Variants in ZFC3H1 observed in about 807,000 individuals in gnomAD.
ZFC3H1 encodes the protein zinc finger C3H1-type containing.
A neutral mutation model predicts 243.7 loss-of-function variants in ZFC3H1; 71 were observed. The ratio of observed to expected loss-of-function variants is 0.29; its 90% CI spans 0.24 to 0.36. The LOEUF is 0.36. Among genes scored for constraint, ZFC3H1 ranks in the 10% least tolerant of loss-of-function variants. The pLI is 1.00. For missense variants in ZFC3H1, 1,966 were observed against 2,317.1 expected (o/e 0.85, Z 3.11); for synonymous variants, 838 against 813.0 (o/e 1.03, Z -0.52).
At chr12:71,655,236 C>T (rs1398828541) in intron 2 of ZFC3H1, among the ~76,000 whole-genome samples, 1 of 152,004 alleles carries the variant, frequency 6.6e-6, no homozygotes, top group African/African-American at 2.4e-5. Context: ...GTATGATTGA[C>T]TTAGATATCA....
At position 71,630,825 on chromosome 12, in the gene ZFC3H1, T is replaced by C. The variant is rs34455696; in HGVS notation, c.3600A>G (p.Gln1200=). ...LTGTCNDDDC[Q]WQHIQDYTLS... is the part of the protein sequence containing the mutation. ...AAATGTTCACAAAAACTACTCACCA[T>C]TGACAATCATCATCATTACATGTTC... Residue 1200 remains glutamine (Q), a splice_region_variant and synonymous_variant, in exon 17 of 35, where the codon CAA becomes CAG. Transcript: ENST00000378743. 3.1e-4 allele frequency: 501 copies of C among 1,612,312 alleles called. 2 individuals are homozygous for C. The African/African-American group carries it at 4.9e-3, about 16-fold the overall frequency.
At chr12:71,657,418 G>T in intron 1 of ZFC3H1, 117 bp from the exon 2 acceptor site, 3 of 821,984 alleles carry the variant, frequency 3.6e-6, no homozygotes, top group South Asian at 2.1e-5. Context: ...AAAATGAATC[G>T]ATATTTTTAA....
chr12:71,630,372 G>C (rs1231065581), intron 18 of ZFC3H1, among the ~76,000 whole-genome samples: 2 of 152,122 alleles, frequency 1.3e-5, no homozygotes, highest in Non-Finnish European at 2.9e-5. Flanking sequence ...CTGTCCTACT[G>C]GCATGCACTT....
At chr12:71,658,261 G>T (rs911760983) in intron 1 of ZFC3H1, among the ~76,000 whole-genome samples, 12 of 146,600 alleles carry the variant, frequency 8.2e-5, no homozygotes, top group Admixed American at 8.1e-4. Flanking sequence ...ACCTCCTGTG[G>T]TTTTAATACA....
intron 31 of ZFC3H1, 45 bp downstream of exon 31, chr12:71,613,290 T>C: frequency 7.2e-7 from 1 of 1,394,282 alleles, no homozygotes; most frequent in Non-Finnish European, 1.0e-6. Flanking sequence ...ATAAAGAGCC[T>C]ATTCCATTAG....
chr12:71,642,833 T>C (rs1300961919), intron 5 of ZFC3H1, among the ~76,000 whole-genome samples: 1 of 152,186 alleles, frequency 6.6e-6, no homozygotes, highest in Non-Finnish European at 1.5e-5. Flanking sequence ...TAATTAGCTC[T>C]TCCTGTATAA....
At position 71,619,360 on chromosome 12, in the gene ZFC3H1, A is replaced by T; in HGVS notation, c.5099T>A (p.Phe1700Tyr). The T allele has an allele frequency of 1.2e-6, 2 of 1,613,828 alleles. No individual in the cohort carries two copies. The highest frequency in any genetic ancestry group is 1.7e-6 in the Non-Finnish European group (2 of 1,179,848). Residue 1700 changes from phenylalanine to tyrosine, a missense_variant, in exon 27 of 35, where the codon TTC (phenylalanine) becomes TAC (tyrosine). Coordinates refer to ENST00000378743, the MANE Select transcript of ZFC3H1 (RefSeq NM_144982.5). ...LPFLRKFIAS[F>Y]FKPGFEKYNN... ...ATACTTCTCAAACCCCGGTTTAAAGAAGGATGCAATAAATTTCCGCAAAAA... is the reference window on the plus strand; with the variant it reads ...ATACTTCTCAAACCCCGGTTTAAAGTAGGATGCAATAAATTTCCGCAAAAA...
chr12:71,643,523 C>G (rs188812930), intron 5 of ZFC3H1, among the ~76,000 whole-genome samples: 23 of 152,212 alleles, frequency 1.5e-4, no homozygotes, highest in Admixed American at 1.3e-3. Context: ...TTCATTAATA[C>G]ATTCTCAAGT....
chr12:71,611,166 A>C, intron 32 of ZFC3H1, 69 bp from the exon 33 acceptor site: 1 of 1,427,756 alleles, frequency 7.0e-7, no homozygotes, highest in East Asian at 2.6e-5. Flanking sequence ...TTTGAACAAA[A>C]TGAAACACCA....
chr12:71,634,508 G>A (rs1442105011), intron 11 of ZFC3H1, among the ~76,000 whole-genome samples, 196 bp downstream of exon 11: 1 of 151,984 alleles, frequency 6.6e-6, no homozygotes, highest in Non-Finnish European at 1.5e-5. Context: ...TTCTAAGCTG[G>A]TTATGTCCTA....
chr12:71,631,478 T>TA (rs892225496), intron 16 of ZFC3H1, among the ~76,000 whole-genome samples: 6 of 151,818 alleles, frequency 4.0e-5, no homozygotes, highest in Non-Finnish European at 5.9e-5. Context: ...AATCAAAAAT[T>TA]AAAAAAAACC....
intron 14 of ZFC3H1, 130 bp from the exon 15 acceptor site, chr12:71,632,644 C>G: frequency 5.4e-6 from 7 of 1,287,740 alleles, no homozygotes; most frequent in African/African-American, 1.5e-5. Flanking sequence ...GAGAATAAAA[C>G]AGAGTTTAAC....
intron 5 of ZFC3H1, among the ~76,000 whole-genome samples, chr12:71,643,447 C>T (rs1034956188): frequency 1.3e-5 from 2 of 151,800 alleles, no homozygotes; most frequent in African/African-American, 2.4e-5. Flanking sequence ...TAAATATTTA[C>T]AATATTCCTT....
At chr12:71,643,947 A>G in intron 5 of ZFC3H1, 148 bp downstream of exon 5, 1 of 701,956 alleles carries the variant, frequency 1.4e-6, no homozygotes, top group Non-Finnish European at 2.3e-6. Context: ...ACCTACAACT[A>G]TAAAAGATGC....
Position 71,619,392 on chromosome 12 carries a change from A to G in ZFC3H1, c.5067T>C (p.Leu1689=). 1.2e-6 allele frequency: 2 copies of G among 1,613,734 alleles called. No individual in the cohort carries two copies. Among genetic ancestry groups the G allele is most frequent in the Admixed American group, 3.3e-5 (2 of 60,008 alleles). ...FFILQNRGDN[L]LPFLRKFIAS... The stretch of plus-strand genomic sequence containing the variant: ...CAATAAATTTCCGCAAAAATGGAAG[A>G]AGATTATCGCCTCGATTCTATTTTA... The change falls in exon 27 of 35, where the codon CTT becomes CTC. Residue 1689 remains leucine, a synonymous_variant. Coordinates refer to ENST00000378743, the MANE Select transcript of ZFC3H1 (RefSeq NM_144982.5).
Position 71,644,918 on chromosome 12 carries a change from G to A in ZFC3H1, c.1238C>T (p.Thr413Ile). The change falls in exon 4 of 35, where the codon ACA becomes ATA. Residue 413 changes from threonine (T) to isoleucine (I), a missense_variant. Thr to Ile is a moderately conservative substitution (Grantham distance 89). This residue lies in a region of ZFC3H1 where 91 missense variants were observed against 107.6 expected (regional missense o/e 0.85). Coordinates refer to ENST00000378743, the MANE Select transcript of ZFC3H1 (RefSeq NM_144982.5). ...KTKTVQQKVK[T>I]STKTHSAKKV... ...TTTGGCCGAATGTGTTTTTGTACTT[G>A]TTTTAACTTTTTGCTGTACAGTTTT... 1 of 1,612,462 alleles carries A rather than the reference G, an allele frequency of 6.2e-7. No individual in the cohort carries two copies. The highest frequency in any genetic ancestry group is 1.7e-5 in the Admixed American group (1 of 59,976).
chr12:71,647,894 T>C lies in ZFC3H1; in HGVS notation c.1016-81A>G, dbSNP rs1592599963. 2.1e-5 allele frequency: 11 copies of C among 533,058 alleles called. No homozygotes were observed. The East Asian group carries it at 3.6e-4, about 18-fold the overall frequency. 33.0% of individuals were successfully genotyped at this position (533,058 alleles called of 1,614,324 possible). ...TAAAATAATCCTATATAATATCTGG[T>C]AATTATTTTAAAAGAGATCATTAAA... On this transcript the variant is annotated intron_variant, in intron 2 of 34. Transcript: ENST00000378743.
intron 33 of ZFC3H1, 98 bp downstream of exon 33, chr12:71,610,959 GT>G: frequency 1.9e-6 from 3 of 1,540,260 alleles, no homozygotes; most frequent in South Asian, 2.4e-5. Flanking sequence ...TGCATGAAAT[GT>G]TAACTTCTGT....
Position 71,633,351 on chromosome 12 carries a change from T to C in ZFC3H1, c.2598A>G (p.Ala866=). Residue 866 remains alanine (A), a synonymous_variant, in exon 13 of 35, where the codon GCA becomes GCG. Transcript: ENST00000378743. ...GCTGTTCTGTAAGTTTTGTAATCTT[T>C]GCTTCAGCATTTCTAACAGATTCTT... ...KKKESVRNAE[A]KITKLTEQLQ... 6.2e-7 allele frequency: 1 copy of C among 1,603,414 alleles called. No individual in the cohort carries two copies. Among genetic ancestry groups the C allele is most frequent in the Non-Finnish European group, 8.5e-7 (1 of 1,174,642 alleles).
Sources: allele counts gnomAD v4.1 joint callset (sites outside exome capture counted in the v4.1 genomes callset), GRCh38; gene constraint gnomAD v4.1.1; regional missense constraint gnomAD v4.1.1; transcripts MANE v1.5; gene names NCBI Gene and HGNC (gene_info 2026-07-23, HGNC 2026-07-21).